The following TPPP variants were observed in gnomAD, a reference collection of about 807,000 sequenced individuals.
The protein encoded by TPPP is tubulin polymerization-promoting protein.
A neutral mutation model predicts 15.5 loss-of-function variants in TPPP; 6 were observed. The ratio of observed to expected loss-of-function variants is 0.39; its 90% confidence interval spans 0.21 to 0.77. TPPP has a LOEUF of 0.77. Among genes scored for constraint, TPPP ranks in the 30% least tolerant of loss-of-function variants. The probability of loss-of-function intolerance (pLI) is 0.42; values close to 1 mark genes in which losing one functional copy is unlikely to be tolerated. For synonymous variants in TPPP, 146 were observed against 133.9 expected (o/e 1.09, Z -0.63); for missense variants, 269 against 307.2 (o/e 0.88, Z 0.93).
At chr5:678,862 G>T (rs552752207) in intron 1 of TPPP, among the ~76,000 whole-genome samples, 3 of 152,308 alleles carry the variant, frequency 2.0e-5, no homozygotes, top group Admixed American at 1.3e-4. Flanking sequence ...GCTTGGGGAC[G>T]CAGGGCTACG....
intron 2 of TPPP, among the ~76,000 whole-genome samples, chr5:669,929 G>A (rs1314959519): frequency 3.3e-5 from 5 of 152,192 alleles, no homozygotes; most frequent in African/African-American, 7.2e-5. Flanking sequence ...AGACCAGGGT[G>A]CTGGAGGAGC....
chr5:675,426 T>A lies in TPPP; in HGVS notation c.311+2324A>T, dbSNP rs368671618. ...GCCAGGGGTGCAGTGTGGCCAGGGGTGCAGCACGGTGGGTGCAGTGTGGCT... is the reference window on the plus strand; with the variant it reads ...GCCAGGGGTGCAGTGTGGCCAGGGGAGCAGCACGGTGGGTGCAGTGTGGCT... On this transcript the variant is annotated intron_variant, in intron 2 of 3. Coordinates refer to ENST00000360578, the MANE Select transcript of TPPP (RefSeq NM_007030.3). 8.7e-4 allele frequency among the ~76,000 whole-genome samples: 49 copies of A among 56,008 alleles called. No homozygotes were observed. The East Asian group carries it at 0.02, about 22-fold the overall frequency. The allele number at this position is 56,008 out of a possible 152,430, so 36.7% of individuals were successfully genotyped here. A position where few individuals can be genotyped will look rare whatever the true frequency, so the allele number is the denominator to read the frequency against.
At chr5:676,875 CAT>C (rs1270868911) in intron 2 of TPPP, among the ~76,000 whole-genome samples, 6 of 145,948 alleles carry the variant, frequency 4.1e-5, no homozygotes, top group African/African-American at 1.1e-4. Flanking sequence ...GACGCAGAAA[CAT>C]GCACACACGA....
intron 2 of TPPP, among the ~76,000 whole-genome samples, chr5:673,502 C>T (rs891436101): frequency 8.5e-5 from 13 of 152,078 alleles, no homozygotes; most frequent in African/African-American, 2.2e-4. Context: ...CCCCTCAGGC[C>T]GGAGTCCCAG....
intron 2 of TPPP, among the ~76,000 whole-genome samples, chr5:670,801 G>A: frequency 6.6e-6 from 1 of 152,208 alleles, no homozygotes. Context: ...GCCGACAGAG[G>A]TCGGTGGCAA....
In TPPP at chr5:681,361, G is replaced by A. The variant is rs965594230; in HGVS notation, c.-4-3297C>T. ...CCAGGCGTGTACCCACCATCTCCAC[G>A]CGTGTGCCCTGAGCCCCCAGGGGGT... On this transcript the variant is annotated intron_variant, in intron 1 of 3. Coordinates refer to ENST00000360578, the MANE Select transcript of TPPP (RefSeq NM_007030.3). Among the ~76,000 whole-genome samples the A allele has an allele frequency of 2.3e-4, 35 of 152,122 alleles. 1 individual carries two copies. Among genetic ancestry groups the A allele is most frequent in the Non-Finnish European group, 4.0e-4 (27 of 68,016 alleles).
chr5:698,872 C>T, the TPPP span, among the ~76,000 whole-genome samples: 1 of 151,924 alleles, frequency 6.6e-6, no homozygotes. Context: ...TCTTATACAC[C>T]AATAACAATC....
At chr5:681,748 C>A (rs1400986620) in intron 1 of TPPP, among the ~76,000 whole-genome samples, 1 of 150,624 alleles carries the variant, frequency 6.6e-6, no homozygotes, top group African/African-American at 2.4e-5. Flanking sequence ...GTGGGCAAGA[C>A]TGTGTTGTCC....
rs1237914831 is a variant in TPPP at position 663,528 on chromosome 5, C to G, written c.*1574G>C. 1 of 152,448 alleles carries G rather than the reference C, an allele frequency of 6.6e-6. No homozygotes were observed. Among genetic ancestry groups the G allele is most frequent in the Non-Finnish European group, 1.5e-5 (1 of 68,156 alleles). 9.4% of individuals were successfully genotyped at this position (152,448 alleles called of 1,614,324 possible). A position where few individuals can be genotyped will look rare whatever the true frequency, so the allele number is the denominator to read the frequency against. On this transcript the variant is annotated 3_prime_UTR_variant, in exon 4 of 4. Transcript: ENST00000360578. ...AGACCGCCCCCCAGCCCTCAGCGGA[C>G]CATGCTGGCTGGGAGCTCCGCCCTG... is the stretch of plus-strand genomic sequence containing the variant.
At position 679,153 on chromosome 5, in the gene TPPP, C is replaced by G. The variant is rs182435578; in HGVS notation, c.-4-1089G>C. Among the ~76,000 whole-genome samples, 312 of 152,280 alleles carry G rather than the reference C, an allele frequency of 2.0e-3. 1 individual carries two copies. Among genetic ancestry groups the G allele is most frequent in the African/African-American group, 7.3e-3 (303 of 41,552 alleles). Reference sequence around the variant, plus strand: ...GCCCTCTCAGATCTGGAGTTCTCAGCGCCAGTCATGGCCAAAGTGTGGCTC... The same window carrying G: ...GCCCTCTCAGATCTGGAGTTCTCAGGGCCAGTCATGGCCAAAGTGTGGCTC... On this transcript the variant is annotated intron_variant, in intron 1 of 3. Transcript: ENST00000360578.
intron 2 of TPPP, among the ~76,000 whole-genome samples, chr5:669,783 CTCTCCCCA>C (rs1250381152): frequency 6.6e-6 from 1 of 152,042 alleles, no homozygotes; most frequent in African/African-American, 2.4e-5. Flanking sequence ...GGGCGGGGAG[CTCTCCCCA>C]GGAGACCCGG....
chr5:669,741 G>T (rs571604305), intron 2 of TPPP, among the ~76,000 whole-genome samples: 1 of 152,064 alleles, frequency 6.6e-6, no homozygotes, highest in African/African-American at 2.4e-5. Flanking sequence ...CGAGTGTCTC[G>T]GGGAAAGGGC....
At chr5:700,567 C>G in the TPPP span, among the ~76,000 whole-genome samples, 1 of 151,990 alleles carries the variant, frequency 6.6e-6, no homozygotes, top group African/African-American at 2.4e-5. Context: ...GAAATCTGCA[C>G]TTCTACCCCT....
At chr5:683,348 G>C (rs1579196121) in intron 1 of TPPP, among the ~76,000 whole-genome samples, 1 of 152,192 alleles carries the variant, frequency 6.6e-6, no homozygotes, top group Non-Finnish European at 1.5e-5. Flanking sequence ...AGCATTCCTT[G>C]GGAAGTGACC....
At chr5:669,682 C>T (rs1740129200) in intron 2 of TPPP, among the ~76,000 whole-genome samples, 1 of 152,064 alleles carries the variant, frequency 6.6e-6, no homozygotes, top group African/African-American at 2.4e-5. Context: ...TGAGGGGCTC[C>T]CCCATCAGAG....
chr5:694,162 C>T (rs1443190906), upstream of TPPP, among the ~76,000 whole-genome samples: 1 of 150,846 alleles, frequency 6.6e-6, no homozygotes, highest in African/African-American at 2.4e-5. Flanking sequence ...TCCCCCGCTC[C>T]CCAGACAGGC....
intron 2 of TPPP, among the ~76,000 whole-genome samples, chr5:672,714 C>T (rs866665277): frequency 5.3e-5 from 8 of 152,326 alleles, no homozygotes; most frequent in African/African-American, 1.2e-4. Flanking sequence ...ATGGCTCTAC[C>T]GGGCCCCACT....
chr5:670,286 G>A (rs1025762958), intron 2 of TPPP, among the ~76,000 whole-genome samples: 11 of 152,194 alleles, frequency 7.2e-5, no homozygotes, highest in African/African-American at 2.7e-4. Flanking sequence ...CCTCTCTGAG[G>A]GGCGGGGGCC....
chr5:687,197 G>A (rs1252899379), intron 1 of TPPP, among the ~76,000 whole-genome samples: 6 of 141,548 alleles, frequency 4.2e-5, no homozygotes, highest in African/African-American at 1.6e-4. Context: ...TGAGATGCCT[G>A]GACGCTGGGC....
Sources: gnomAD v4.1 joint callset for allele counts (sites outside exome capture counted in the v4.1 genomes callset) on GRCh38, gnomAD v4.1.1 for gene constraint, MANE v1.5 for transcripts, NCBI Gene and HGNC (gene_info 2026-07-23, HGNC 2026-07-21) for gene names.